Variants in FAT3 observed in about 807,000 individuals in gnomAD.
FAT3 encodes the protein FAT atypical cadherin 3.
Under a neutral mutation model 310.2 loss-of-function variants are expected in FAT3, and 95 were observed. The ratio of observed to expected loss-of-function variants is 0.31; its 90% CI spans 0.26 to 0.36. The LOEUF (loss-of-function observed/expected upper bound fraction) is 0.36, where lower values mean the gene tolerates loss of function less well. Ranked by LOEUF, FAT3 falls within the 10% of genes least tolerant of loss-of-function variation. The pLI, the probability that FAT3 is intolerant of heterozygous loss-of-function variation, is 1.00. For missense variants in FAT3, 5,408 were observed against 5,715.6 expected (o/e 0.95, Z 1.74); for synonymous variants, 2,314 against 2,192.9 (o/e 1.06, Z -1.54).
chr11:92,558,888 G>A (rs368866460), intron 3 of FAT3, among the ~76,000 whole-genome samples: 1 of 152,226 alleles, frequency 6.6e-6, no homozygotes, highest in Admixed American at 6.5e-5. Context: ...TCAGTGAAAA[G>A]TCTTTGGTGC....
At chr11:92,713,441 T>C (rs1022286931) in intron 4 of FAT3, among the ~76,000 whole-genome samples, 1 of 152,232 alleles carries the variant, frequency 6.6e-6, no homozygotes, top group African/African-American at 2.4e-5. Context: ...CAATTTTTTT[T>C]CTTAACCCTG....
At chr11:92,443,519 C>T (rs2135087628) in intron 2 of FAT3, among the ~76,000 whole-genome samples, 1 of 152,292 alleles carries the variant, frequency 6.6e-6, no homozygotes, top group African/African-American at 2.4e-5. Context: ...AGAAGTTAAA[C>T]ACCAAAGATG....
At chr11:92,834,472 A>T (rs192042630) in intron 14 of FAT3, among the ~76,000 whole-genome samples, 113 of 152,374 alleles carry the variant, frequency 7.4e-4, no homozygotes, top group Non-Finnish European at 1.5e-3. Context: ...AGGTCATACC[A>T]TCACATCCCC....
chr11:92,366,504 T>A (rs1277550921), intron 2 of FAT3: 5 of 468,850 alleles, frequency 1.1e-5, no homozygotes, highest in Non-Finnish European at 2.1e-5. Context: ...CCTCACTTCT[T>A]GGCCTTACCC....
At chr11:92,790,346 G>A in intron 8 of FAT3, 128 bp downstream of exon 8, 2 of 1,043,356 alleles carry the variant, frequency 1.9e-6, no homozygotes, top group Non-Finnish European at 2.8e-6. Context: ...TTCACAGAGA[G>A]ATTGCATTCA....
At chr11:92,877,618 A>G (rs1303444427) in intron 22 of FAT3, among the ~76,000 whole-genome samples, 2 of 152,214 alleles carry the variant, frequency 1.3e-5, no homozygotes, top group African/African-American at 2.4e-5. Context: ...GAAACTGACC[A>G]TGACAAAGCT....
rs1482670155 is a variant in FAT3 at position 92,486,142 on chromosome 11, T to TG, written c.3293-38492_3293-38491insG. On this transcript the variant is annotated intron_variant, in intron 2 of 27. Coordinates refer to ENST00000525166, the MANE Select transcript of FAT3 (RefSeq NM_001367949.2). ...AGAGGCTGCTGGGGTTTTTTTTTTT[T>TG]TTTTTTTTTTTTTTTTGGTAGACTC... 2.2e-5 allele frequency among the ~76,000 whole-genome samples: 3 copies of TG among 138,786 alleles called. No individual in the cohort carries two copies. In the East Asian group the frequency reaches 6.5e-4, roughly 30 times the overall value. 91.0% of individuals were successfully genotyped at this position (138,786 alleles called of 152,430 possible).
chr11:92,819,891 G>C (rs1947916144), intron 13 of FAT3, among the ~76,000 whole-genome samples: 1 of 152,186 alleles, frequency 6.6e-6, no homozygotes, highest in Non-Finnish European at 1.5e-5. Context: ...GCCAGTTAGA[G>C]GTTAATGAAA....
Position 92,301,498 on chromosome 11 carries a change from G to C in FAT3, c.-17-50598G>C, listed in dbSNP as rs1946996775. On this transcript the variant is annotated intron_variant, in intron 1 of 27. Transcript: ENST00000525166. ...AGAATGCCTTATTTCTGGGCCCATA[G>C]CTCTCTGTCAACAAGTCACCTTTAC... 1.3e-5 allele frequency among the ~76,000 whole-genome samples: 2 copies of C among 152,086 alleles called. 1 individual carries two copies. The highest frequency in any genetic ancestry group is 4.1e-4 in the South Asian group (2 of 4,830).
At chr11:92,515,514 A>G (rs1953450027) in intron 2 of FAT3, among the ~76,000 whole-genome samples, 1 of 152,102 alleles carries the variant, frequency 6.6e-6, no homozygotes, top group Non-Finnish European at 1.5e-5. Context: ...ATGATACTGT[A>G]TCTGGGTTTT....
intron 3 of FAT3, among the ~76,000 whole-genome samples, chr11:92,529,211 A>G (rs927713690): frequency 1.3e-5 from 2 of 152,310 alleles, no homozygotes; most frequent in East Asian, 1.9e-4. Context: ...AAACAAAACA[A>G]AAAAAGAGTG....
At chr11:92,449,046 A>T (rs548797086) in intron 2 of FAT3, among the ~76,000 whole-genome samples, 2 of 152,226 alleles carry the variant, frequency 1.3e-5, no homozygotes, top group African/African-American at 4.8e-5. Flanking sequence ...GAAATCTCAC[A>T]CTGGCCCGGG....
In FAT3 at chr11:92,306,900, G is replaced by T. The variant is rs1258006885; in HGVS notation, c.-17-45196G>T. Among the ~76,000 whole-genome samples the T allele has an allele frequency of 2.7e-5, 4 of 148,714 alleles. No individual in the cohort carries two copies. The East Asian group carries it at 7.9e-4, about 29-fold the overall frequency. ...CAGATTCCTGGGCTTAAGTGATTCT[G>T]CCTCCTTAGCCTCCTGAGTAGCTGG... is the stretch of plus-strand genomic sequence containing the variant. On this transcript the variant is annotated intron_variant, in intron 1 of 27. Coordinates refer to ENST00000525166, the MANE Select transcript of FAT3 (RefSeq NM_001367949.2).
intron 3 of FAT3, among the ~76,000 whole-genome samples, chr11:92,690,359 G>T (rs781730777): frequency 5.9e-5 from 9 of 152,192 alleles, no homozygotes; most frequent in Non-Finnish European, 1.0e-4. Context: ...TATTTATGAA[G>T]AGAAGTCCAA....
chr11:92,502,021 T>C (rs1952955787), intron 2 of FAT3, among the ~76,000 whole-genome samples: 1 of 152,018 alleles, frequency 6.6e-6, no homozygotes, highest in Admixed American at 6.6e-5. Context: ...CAAGTTATAA[T>C]AGTTTAATGT....
At chr11:92,495,194 A>C (rs888149759) in intron 2 of FAT3, among the ~76,000 whole-genome samples, 2 of 152,098 alleles carry the variant, frequency 1.3e-5, no homozygotes, top group African/African-American at 4.8e-5. Flanking sequence ...TATTTGATCC[A>C]CATAGCAAAG....
intron 22 of FAT3, among the ~76,000 whole-genome samples, chr11:92,871,205 A>G (rs1360761117): frequency 2.0e-5 from 3 of 152,190 alleles, no homozygotes; most frequent in African/African-American, 7.2e-5. Flanking sequence ...ATTGGTTTAT[A>G]TTTTTTTCCT....
At chr11:92,684,651 G>A (rs1214026446) in intron 3 of FAT3, among the ~76,000 whole-genome samples, 1 of 152,096 alleles carries the variant, frequency 6.6e-6, no homozygotes, top group Non-Finnish European at 1.5e-5. Context: ...CAAATGATAT[G>A]TAGTTATATT....
At chr11:92,557,653 G>T (rs1301583793) in intron 3 of FAT3, among the ~76,000 whole-genome samples, 1 of 152,178 alleles carries the variant, frequency 6.6e-6, no homozygotes, top group Non-Finnish European at 1.5e-5. Flanking sequence ...CATGCTGCAG[G>T]TATAGACTGC....
Sources: gnomAD v4.1 joint callset for allele counts (sites outside exome capture counted in the v4.1 genomes callset) on GRCh38, gnomAD v4.1.1 for gene constraint, MANE v1.5 for transcripts, NCBI Gene and HGNC (gene_info 2026-07-23, HGNC 2026-07-21) for gene names.